Variants in KLHL22 observed in about 807,000 individuals in gnomAD.
The protein encoded by KLHL22 is kelch-like protein 22.
A neutral mutation model predicts 60.7 loss-of-function variants in KLHL22; 18 were observed. The observed-to-expected ratio is 0.30, with a 90% CI of 0.20 to 0.44. KLHL22 has a LOEUF of 0.44. KLHL22 is among the 20% of genes least tolerant of loss of function. The probability of loss-of-function intolerance (pLI) is 1.00; values close to 1 mark genes in which losing one functional copy is unlikely to be tolerated. For synonymous variants in KLHL22, 355 were observed against 354.5 expected (o/e 1.00, Z -0.01); for missense variants, 596 against 852.3 (o/e 0.70, Z 3.74).
intron 2 of KLHL22, among the ~76,000 whole-genome samples, chr22:20,479,988 G>GTA (rs374977645): frequency 2.6e-5 from 4 of 152,158 alleles, no homozygotes; most frequent in African/African-American, 9.7e-5. Flanking sequence ...ACAAAATGTG[G>GTA]TATATCCATA....
At chr22:20,487,068 T>C (rs1321799024) in intron 2 of KLHL22, among the ~76,000 whole-genome samples, 3 of 150,644 alleles carry the variant, frequency 2.0e-5, no homozygotes, top group Admixed American at 2.0e-4. Flanking sequence ...TACAGGCATG[T>C]GCCACCACGC....
chr22:20,450,959 A>C, intron 5 of KLHL22: 1 of 1,606,964 alleles, frequency 6.2e-7, no homozygotes, highest in Non-Finnish European at 8.5e-7. Context: ...GGAGCCAATG[A>C]AGTGCTTTTG....
intron 4 of KLHL22, among the ~76,000 whole-genome samples, chr22:20,462,627 T>C (rs1451172227): frequency 6.6e-6 from 1 of 151,866 alleles, no homozygotes; most frequent in East Asian, 1.9e-4. Flanking sequence ...CCCAAAGTGC[T>C]GGGATTATTG....
intron 2 of KLHL22, among the ~76,000 whole-genome samples, chr22:20,482,403 GA>G (rs1023882648): frequency 1.5e-4 from 22 of 149,394 alleles, no homozygotes; most frequent in Non-Finnish European, 2.8e-4. Flanking sequence ...TTTTTTTTTT[GA>G]GACAAGGTCT....
chr22:20,485,736 CACACGT>C (rs1301115114), intron 2 of KLHL22, among the ~76,000 whole-genome samples: 5 of 151,990 alleles, frequency 3.3e-5, no homozygotes, highest in Non-Finnish European at 7.4e-5. Flanking sequence ...GGTTTGGTGG[CACACGT>C]CTGTAATCCC....
chr22:20,470,786 AGATGGATGGATG>A (rs361774), intron 3 of KLHL22, among the ~76,000 whole-genome samples: 2,661 of 137,750 alleles, frequency 0.019, 81 homozygotes, highest in African/African-American at 0.069. Flanking sequence ...ATGGATGGAT[AGATGGATGGATG>A]GATGGATGGA....
At chr22:20,469,616 A>C (rs753829640) in intron 3 of KLHL22, among the ~76,000 whole-genome samples, 1 of 152,122 alleles carries the variant, frequency 6.6e-6, no homozygotes, top group Non-Finnish European at 1.5e-5. Flanking sequence ...CTCACCATGC[A>C]GGTATGGTGA....
At chr22:20,463,889 T>A (rs2053191307) in intron 4 of KLHL22, among the ~76,000 whole-genome samples, 1 of 152,180 alleles carries the variant, frequency 6.6e-6, no homozygotes, top group South Asian at 2.1e-4. Context: ...CCAAGTGGCA[T>A]GGCCAGGCCA....
rs781590758 is a variant in KLHL22 at position 20,489,203 on chromosome 22, C to T, written c.9G>A (p.Glu3=). MA[E]EQEFTQLCKL... ...TGCAGAGCTGGGTGAACTCCTGCTCCTCTGCCATCCTGACAGCCACAAGAT... is the reference window on the plus strand; with the variant it reads ...TGCAGAGCTGGGTGAACTCCTGCTCTTCTGCCATCCTGACAGCCACAAGAT... Residue 3 remains glutamate, a synonymous_variant, in exon 2 of 7, where the codon GAG becomes GAA. Coordinates refer to ENST00000328879, the MANE Select transcript of KLHL22 (RefSeq NM_032775.4). 17 of 1,613,978 alleles carry T rather than the reference C, an allele frequency of 1.1e-5. No individual in the cohort carries two copies. The East Asian group carries it at 3.6e-4, about 34-fold the overall frequency.
At chr22:20,489,578 G>A (rs958309958) in intron 1 of KLHL22, among the ~76,000 whole-genome samples, 4 of 152,150 alleles carry the variant, frequency 2.6e-5, no homozygotes, top group African/African-American at 9.7e-5. Context: ...TGACCAAACT[G>A]AGCCTCGAGC....
At position 20,465,649 on chromosome 22, in the gene KLHL22, C is replaced by A. The variant is rs1300120244; in HGVS notation, c.394-73G>T. On this transcript the variant is annotated intron_variant, in intron 3 of 6. Coordinates refer to ENST00000328879, the MANE Select transcript of KLHL22 (RefSeq NM_032775.4). This position sits in a 1 kb window ranked among gnomAD's most constrained non-coding sequence, Gnocchi z 4.9. ...CTGGGGGTGGGAGAGAGAATGATGG[C>A]AGAAATACGGGCTGTTGTGGGCCAG... 5 of 814,990 alleles carry A rather than the reference C, an allele frequency of 6.1e-6. No individual in the cohort carries two copies. Among genetic ancestry groups the A allele is most frequent in the African/African-American group, 3.3e-5 (2 of 59,706 alleles). 50.5% of individuals were successfully genotyped at this position (814,990 alleles called of 1,614,324 possible). A position where few individuals can be genotyped will look rare whatever the true frequency, so the allele number is the denominator to read the frequency against.
chr22:20,445,575 T>C (rs2052845911), intron 6 of KLHL22, among the ~76,000 whole-genome samples: 1 of 152,126 alleles, frequency 6.6e-6, no homozygotes, highest in Non-Finnish European at 1.5e-5. Flanking sequence ...TTTGTTCTGT[T>C]GTTTTGTTTT....
At chr22:20,469,028 T>G (rs1468227572) in intron 3 of KLHL22, among the ~76,000 whole-genome samples, 1 of 152,006 alleles carries the variant, frequency 6.6e-6, no homozygotes, top group African/African-American at 2.4e-5. Flanking sequence ...CTGGGGGAGA[T>G]GACCCAGGGC....
chr22:20,461,737 C>A (rs1230049750), intron 4 of KLHL22, among the ~76,000 whole-genome samples: 2 of 151,360 alleles, frequency 1.3e-5, no homozygotes, highest in African/African-American at 4.9e-5. Context: ...CTGAGGCAGG[C>A]GGATCACCTG....
chr22:20,467,455 G>C (rs1165746736), intron 3 of KLHL22, among the ~76,000 whole-genome samples: 1 of 152,158 alleles, frequency 6.6e-6, no homozygotes, highest in Non-Finnish European at 1.5e-5. Flanking sequence ...CCTGGTGTTT[G>C]ATGCTTCTTT....
At chr22:20,452,226 A>G (rs2052991003) in intron 5 of KLHL22, among the ~76,000 whole-genome samples, 1 of 151,772 alleles carries the variant, frequency 6.6e-6, no homozygotes, top group Non-Finnish European at 1.5e-5. Context: ...GATTGGAAAG[A>G]TACCAATTTA....
At chr22:20,461,906 T>C (rs5753874) in intron 4 of KLHL22, among the ~76,000 whole-genome samples, 55,078 of 151,842 alleles carry the variant, frequency 0.36, 10,182 homozygotes, top group East Asian at 0.47. Flanking sequence ...CAAGACCAGC[T>C]TGGCCAACAT....
chr22:20,450,827 A>G (rs1482748624), intron 5 of KLHL22: 19 of 1,543,884 alleles, frequency 1.2e-5, no homozygotes, highest in Non-Finnish European at 1.7e-5. Context: ...GATGTAATAG[A>G]TGCTGAGCCT....
At chr22:20,491,514 G>C (rs1008197446) in intron 1 of KLHL22, 1 of 152,106 alleles carries the variant, frequency 6.6e-6, no homozygotes, top group African/African-American at 2.4e-5. Flanking sequence ...TGTATGCCAA[G>C]AAATGAGACA....
Sources: gnomAD v4.1 joint callset for allele counts (sites outside exome capture counted in the v4.1 genomes callset) on GRCh38, gnomAD v4.1.1 for gene constraint, Gnocchi (gnomAD v3.1) non-coding constraint, MANE v1.5 for transcripts, NCBI Gene and HGNC (gene_info 2026-07-23, HGNC 2026-07-21) for gene names.